ZP4: variants seen among roughly 807,000 people sequenced by gnomAD.
The protein encoded by ZP4 is zona pellucida glycoprotein 4.
A neutral mutation model predicts 62.3 loss-of-function variants in ZP4; 62 were observed. That is an observed-to-expected ratio of 0.99 (90% CI 0.81 to 1.23). ZP4 has a LOEUF of 1.23. Among genes scored for constraint, ZP4 ranks in the 50% most tolerant of loss-of-function variants. The probability of loss-of-function intolerance (pLI) is 0.00; values close to 1 mark genes in which losing one functional copy is unlikely to be tolerated. For synonymous variants in ZP4, 289 were observed against 247.3 expected, an observed-to-expected ratio of 1.17 and a Z score of -1.58; for missense variants, 774 against 656.0, an observed-to-expected ratio of 1.18 and a Z score of -1.97.
chr1:237,885,275 G>A lies in ZP4; in HGVS notation c.1201C>T (p.Pro401Ser), dbSNP rs1665070677. ...IGDNYQTQLI[P>S]VQKALDLPFP... ...GGAAGATCCAAGGCTTTCTGGACAG[G>A]GATCAGCTGGGTCTGATAGTTGTCT... The change falls in exon 9 of 12, where the codon CCT (proline) becomes TCT (serine). Residue 401 changes from proline to serine, a missense_variant. Pro to Ser is a moderately conservative substitution (Grantham distance 74). Transcript: ENST00000366570. The A allele has an allele frequency of 6.2e-7, 1 of 1,614,134 alleles. No homozygotes were observed. Among genetic ancestry groups the A allele is most frequent in the East Asian group, 2.2e-5 (1 of 44,860 alleles).
chr1:237,884,729 G>A (rs1238642508), intron 10 of ZP4, 40 bp downstream of exon 10: 4 of 1,581,526 alleles, frequency 2.5e-6, no homozygotes, highest in East Asian at 2.2e-5. Context: ...TGGGACTCAA[G>A]ATTCATTCAA....
intron 3 of ZP4, among the ~76,000 whole-genome samples, chr1:237,889,487 T>G (rs929991747): frequency 2.6e-5 from 4 of 151,628 alleles, no homozygotes; most frequent in African/African-American, 7.3e-5. Flanking sequence ...CCCGGCTGAT[T>G]GTGTGTTTTT....
At chr1:237,887,665 G>A (rs540975343) in intron 4 of ZP4, 104 bp from the exon 5 acceptor site, 7 of 1,222,148 alleles carry the variant, frequency 5.7e-6, no homozygotes, top group Admixed American at 2.7e-5. Flanking sequence ...CTGAGAAGCT[G>A]GTGACAACTT....
At position 237,885,245 on chromosome 1, in the gene ZP4, G is replaced by A; in HGVS notation, c.1231C>T (p.Pro411Ser). Residue 411 changes from proline to serine, a missense_variant, in exon 9 of 12, where the codon CCC becomes TCC. Pro to Ser is a moderately conservative substitution (Grantham distance 74). Coordinates refer to ENST00000366570, the MANE Select transcript of ZP4 (RefSeq NM_021186.5). ...PVQKALDLPF[P>S]SHHQRFSIFT... ...ATGCTGAAGCGCTGGTGGTGAGAGG[G>A]AAATGGAAGATCCAAGGCTTTCTGG... The A allele has an allele frequency of 3.1e-6, 5 of 1,614,188 alleles. No individual in the cohort carries two copies. The highest frequency in any genetic ancestry group is 1.3e-5 in the African/African-American group (1 of 75,044).
chr1:237,890,095 A>C lies in ZP4; in HGVS notation c.257T>G (p.Val86Gly). 1 of 1,614,126 alleles carries C rather than the reference A, an allele frequency of 6.2e-7. No individual in the cohort carries two copies. Among genetic ancestry groups the C allele is most frequent in the East Asian group, 2.2e-5 (1 of 44,860 alleles). ...GCAGCTGCTATAGGTTGCCTCCAAC[A>C]CCACGGAGCTGCCTGGACCTTTTCT... ...WIRKGPGSSV[V>G]LEATYSSCYV... Residue 86 changes from valine (V) to glycine (G), a missense_variant, in exon 2 of 12, where the codon GTG (valine) becomes GGG (glycine). By Grantham distance (109) the Val-to-Gly change is moderately radical (BLOSUM62 -3). Transcript: ENST00000366570.
Position 237,890,492 on chromosome 1 carries a change from C to G in ZP4, c.144G>C (p.Glu48Asp), listed in dbSNP as rs1348988392. The G allele has an allele frequency of 6.2e-7, 1 of 1,613,782 alleles. No homozygotes were observed. Among genetic ancestry groups the G allele is most frequent in the Non-Finnish European group, 8.5e-7 (1 of 1,179,924 alleles). ...CTATTAGTACAGGAGGAGACGTTGCCTCCTGGTTGAGGTTTACAGCAAACT... is the reference window on the plus strand; with the variant it reads ...CTATTAGTACAGGAGGAGACGTTGCGTCCTGGTTGAGGTTTACAGCAAACT... ...SFQFAVNLNQ[E>D]ATSPPVLIAW... Residue 48 changes from glutamate to aspartate, a missense_variant, in exon 1 of 12, where the codon GAG becomes GAC. Glu to Asp is a conservative substitution (Grantham distance 45). Coordinates refer to ENST00000366570, the MANE Select transcript of ZP4 (RefSeq NM_021186.5).
Position 237,885,424 on chromosome 1 carries a change from A to T in ZP4, c.1127T>A (p.Leu376Gln), listed in dbSNP as rs746905815. 1 of 1,612,884 alleles carries T rather than the reference A, an allele frequency of 6.2e-7. No individual in the cohort carries two copies. Among genetic ancestry groups the T allele is most frequent in the South Asian group, 1.1e-5 (1 of 90,960 alleles). The stretch of plus-strand genomic sequence containing the variant: ...CAGGATGGGCCACTGTGGCTGACTC[A>T]GGGGGTCAGTGCTGGGTGTTGCCCA... ...QCWATPSTDP[L>Q]SQPQWPILVK... The change falls in exon 8 of 12, where the codon CTG (leucine) becomes CAG (glutamine). Residue 376 changes from leucine (L) to glutamine (Q), a missense_variant. Leu to Gln is a moderately radical substitution (Grantham distance 113). Transcript: ENST00000366570.
At chr1:237,884,449 A>G (rs983597104) in intron 10 of ZP4, among the ~76,000 whole-genome samples, 3 of 152,220 alleles carry the variant, frequency 2.0e-5, no homozygotes, top group Non-Finnish European at 4.4e-5. Context: ...TCAAGCAGGT[A>G]CAGACATGTT....
chr1:237,887,371 C>A lies in ZP4; in HGVS notation c.741+3G>T. 6.2e-7 allele frequency: 1 copy of A among 1,613,264 alleles called. No individual in the cohort carries two copies. Among genetic ancestry groups the A allele is most frequent in the South Asian group, 1.1e-5 (1 of 90,944 alleles). On this transcript the variant is annotated splice_donor_region_variant and intron_variant, in intron 5 of 11. Coordinates refer to ENST00000366570, the MANE Select transcript of ZP4 (RefSeq NM_021186.5). ...GAGCCAGGAACAAAGCCCAACTGCT[C>A]ACCTGTCTTGTGGTGCCACAGGAAG...
chr1:237,886,891 C>A (rs1209719414), intron 5 of ZP4, 23 bp from the exon 6 acceptor site: 11 of 1,598,332 alleles, frequency 6.9e-6, no homozygotes, highest in Non-Finnish European at 9.4e-6. Context: ...ATGGAGAAGT[C>A]TTGATCATTT....
At chr1:237,884,000 ACACACACACACACACAAACACAC>A (rs1558530879) in intron 10 of ZP4, among the ~76,000 whole-genome samples, 96 of 85,124 alleles carry the variant, frequency 1.1e-3, no homozygotes, top group African/African-American at 4.3e-3. Context: ...ACACACACAC[ACACACACACACACACAAACACAC>A]ACACACACAA....
intron 3 of ZP4, among the ~76,000 whole-genome samples, chr1:237,889,444 G>A (rs905966187): frequency 8.6e-5 from 13 of 150,710 alleles, no homozygotes; most frequent in Admixed American, 3.3e-4. Flanking sequence ...TCAGCCTCCC[G>A]AGTAGCTGGG....
chr1:237,888,262 C>G (rs1453921878), intron 4 of ZP4, 96 bp downstream of exon 4: 4 of 1,335,372 alleles, frequency 3.0e-6, no homozygotes, highest in Admixed American at 4.8e-5. Flanking sequence ...AGCCTGCTAT[C>G]ACTTGATGTT....
Position 237,883,753 on chromosome 1 carries a change from G to GAGGGAGAGAGAGGAAGAGAGAGGA in ZP4, c.1391-908_1391-907insTCCTCTCTCTTCCTCTCTCTCCCT, listed in dbSNP as rs1664989630. Among the ~76,000 whole-genome samples the GAGGGAGAGAGAGGAAGAGAGAGGA allele has an allele frequency of 1.0e-4, 6 of 59,458 alleles. 1 individual carries two copies. The highest frequency in any genetic ancestry group is 9.6e-4 in the East Asian group (1 of 1,038). 39.0% of individuals were successfully genotyped at this position (59,458 alleles called of 152,430 possible). A position where few individuals can be genotyped will look rare whatever the true frequency, so the allele number is the denominator to read the frequency against. On this transcript the variant is annotated intron_variant, in intron 10 of 11. Coordinates refer to ENST00000366570, the MANE Select transcript of ZP4 (RefSeq NM_021186.5). ...GGAGGGAGAGAGAGGGAGAGAGAGG[G>GAGGGAGAGAGAGGAAGAGAGAGGA]AGAGAGAGGGAGAGAGAGGAAGAGA...
rs1444102810 is a variant in ZP4 at position 237,882,518 on chromosome 1, C to T, written c.1527G>A (p.Val509=). 1.2e-6 allele frequency: 2 copies of T among 1,606,958 alleles called. No individual in the cohort carries two copies. The highest frequency in any genetic ancestry group is 3.5e-5 in the Admixed American group (2 of 57,130). ...RVPVDSKVLW[V]AGLSGTLILG... ...GGATTAAGGTCCCAGAAAGGCCTGC[C>T]ACCCACAGAACTTTCGAGTCTACAG... is the stretch of plus-strand genomic sequence containing the variant. The change falls in exon 12 of 12, where the codon GTG becomes GTA. Residue 509 remains valine, a synonymous_variant. Transcript: ENST00000366570.
In ZP4 at chr1:237,885,259, A is replaced by G; in HGVS notation, c.1217T>C (p.Leu406Ser). Residue 406 changes from leucine to serine, a missense_variant, in exon 9 of 12, where the codon TTG (leucine) becomes TCG (serine). Physicochemically the swap from Leu to Ser is moderately radical, Grantham distance 145 (BLOSUM62 -2). Transcript: ENST00000366570. ...GTGGTGAGAGGGAAATGGAAGATCC[A>G]AGGCTTTCTGGACAGGGATCAGCTG... ...QTQLIPVQKA[L>S]DLPFPSHHQR... is the part of the protein sequence containing the mutation. 6.2e-7 allele frequency: 1 copy of G among 1,614,190 alleles called. No homozygotes were observed. Among genetic ancestry groups the G allele is most frequent in the Non-Finnish European group, 8.5e-7 (1 of 1,180,034 alleles).
intron 11 of ZP4, 80 bp from the exon 12 acceptor site, chr1:237,882,629 T>C: frequency 1.3e-6 from 2 of 1,565,228 alleles, no homozygotes; most frequent in Non-Finnish European, 1.7e-6. Flanking sequence ...AGCAGTCTTC[T>C]GCTATAGGAA....
intron 4 of ZP4, among the ~76,000 whole-genome samples, 162 bp downstream of exon 4, chr1:237,888,196 G>A (rs548082624): frequency 6.6e-6 from 1 of 152,358 alleles, no homozygotes; most frequent in Non-Finnish European, 1.5e-5. Flanking sequence ...GACAGTGGGA[G>A]TTGTAGAAGT....
chr1:237,884,775 G>C lies in ZP4; in HGVS notation c.1384C>G (p.Leu462Val), dbSNP rs1571931864. 1 of 1,613,524 alleles carries C rather than the reference G, an allele frequency of 6.2e-7. No homozygotes were observed. The highest frequency in any genetic ancestry group is 8.5e-7 in the Non-Finnish European group (1 of 1,179,772). The change falls in exon 10 of 12, where the codon CTC becomes GTC. Residue 462 changes from leucine (L) to valine (V), a missense_variant. Leu to Val is a conservative substitution (Grantham distance 32, BLOSUM62 1). Transcript: ENST00000366570. ...TPSCVVTCPD[L>V]SRRRNFDNSS... ...TAACAGCTTGGTTACTCACGACTGAGATCAGGACAGGTCACCACACAGGAT... is the reference window on the plus strand; with the variant it reads ...TAACAGCTTGGTTACTCACGACTGACATCAGGACAGGTCACCACACAGGAT...
Sources: gnomAD v4.1 joint callset for allele counts (sites outside exome capture counted in the v4.1 genomes callset) on GRCh38, gnomAD v4.1.1 for gene constraint, MANE v1.5 for transcripts, NCBI Gene and HGNC (gene_info 2026-07-23, HGNC 2026-07-21) for gene names.